Variants in MRTFB observed in about 807,000 individuals in gnomAD.
MRTFB encodes the protein myocardin-related transcription factor B.
A neutral mutation model predicts 104.2 loss-of-function variants in MRTFB; 29 were observed. The observed-to-expected ratio is 0.28, with a 90% CI of 0.21 to 0.38. The LOEUF (loss-of-function observed/expected upper bound fraction) is 0.38. Among genes scored for constraint, MRTFB ranks in the 10% least tolerant of loss-of-function variants. MRTFB has a pLI of 1.00. For synonymous variants in MRTFB, 535 were observed against 519.5 expected (o/e 1.03, Z -0.41); for missense variants, 1,270 against 1,341.6 (o/e 0.95, Z 0.83).
intron 5 of MRTFB, among the ~76,000 whole-genome samples, chr16:14,213,018 TTTC>T (rs1202576581): frequency 6.6e-6 from 1 of 152,210 alleles, no homozygotes; most frequent in Non-Finnish European, 1.5e-5. Context: ...ATTCCAAAAT[TTTC>T]TTAAGAATTT....
At chr16:14,234,075 T>C in intron 8 of MRTFB, 71 bp from the exon 9 acceptor site, 1 of 1,564,556 alleles carries the variant, frequency 6.4e-7, no homozygotes, top group Non-Finnish European at 8.7e-7. Flanking sequence ...GTCATTCCCT[T>C]GTAATTCTAA....
At chr16:14,156,363 T>G (rs1363162837) in intron 3 of MRTFB, among the ~76,000 whole-genome samples, 1 of 152,200 alleles carries the variant, frequency 6.6e-6, no homozygotes, top group Admixed American at 6.5e-5. Context: ...AATATCAGTT[T>G]ATTTTTGGAC....
At chr16:14,048,995 T>A in the MRTFB span, among the ~76,000 whole-genome samples, 1 of 152,198 alleles carries the variant, frequency 6.6e-6, no homozygotes, top group Non-Finnish European at 1.5e-5. Flanking sequence ...ACTATATCAG[T>A]GGCTCTTAGC....
At chr16:14,084,785 T>A (rs2034602579) in intron 2 of MRTFB, among the ~76,000 whole-genome samples, 1 of 152,216 alleles carries the variant, frequency 6.6e-6, no homozygotes, top group Non-Finnish European at 1.5e-5. Flanking sequence ...AATTTTATAT[T>A]TGCCTTAGAT....
chr16:14,212,283 A>G (rs367593665), intron 4 of MRTFB, 71 bp from the exon 5 acceptor site: 14 of 1,454,174 alleles, frequency 9.6e-6, no homozygotes, highest in East Asian at 6.8e-5. Context: ...GGTTATCACC[A>G]TGGTATACTA....
chr16:14,255,501 G>A (rs958611438), intron 15 of MRTFB, among the ~76,000 whole-genome samples: 9 of 152,146 alleles, frequency 5.9e-5, no homozygotes, highest in African/African-American at 2.2e-4. Context: ...GAAGTGGAAG[G>A]GATTGTCAAC....
chr16:14,050,160 G>GACAC, the MRTFB span, among the ~76,000 whole-genome samples: 2 of 148,802 alleles, frequency 1.3e-5, no homozygotes, highest in African/African-American at 5.2e-5. Flanking sequence ...AAGACAGACA[G>GACAC]ACAGACACAC....
intron 2 of MRTFB, among the ~76,000 whole-genome samples, chr16:14,122,985 T>TA: frequency 6.6e-6 from 1 of 152,220 alleles, no homozygotes; most frequent in Non-Finnish European, 1.5e-5. Flanking sequence ...TCACCATTCT[T>TA]ACTGGCGTGA....
chr16:14,115,299 T>C (rs60218708), intron 2 of MRTFB, among the ~76,000 whole-genome samples: 9 of 152,228 alleles, frequency 5.9e-5, no homozygotes, highest in African/African-American at 2.2e-4. Context: ...TGTATTTTTT[T>C]AGTTATTTCC....
chr16:14,186,686 G>A, intron 3 of MRTFB: 1 of 1,338,290 alleles, frequency 7.5e-7, no homozygotes, highest in South Asian at 1.7e-5. Context: ...CCCGATGTGG[G>A]AGAGAGTTAA....
intron 2 of MRTFB, among the ~76,000 whole-genome samples, chr16:14,114,354 G>A (rs1010931822): frequency 2.0e-5 from 3 of 152,142 alleles, no homozygotes; most frequent in African/African-American, 7.2e-5. Context: ...AGCATTTTAG[G>A]TATGTTTTAA....
Position 14,247,014 on chromosome 16 carries a change from A to G in MRTFB, c.1754A>G (p.Lys585Arg). 6.2e-7 allele frequency: 1 copy of G among 1,614,206 alleles called. No individual in the cohort carries two copies. The highest frequency in any genetic ancestry group is 1.1e-5 in the South Asian group (1 of 91,088). The change falls in exon 12 of 17, where the codon AAG becomes AGG. Residue 585 changes from lysine to arginine, a missense_variant. By Grantham distance (26) the Lys-to-Arg change is conservative (BLOSUM62 2). Transcript: ENST00000571589. ...QEKEKQIEEL[K>R]RKLEQEQKLV... Reference sequence around the variant, plus strand: ...AAAGAGAAGCAAATCGAAGAGCTGAAGAGGAAACTGGAACAAGAGCAGAAG... The same window carrying G: ...AAAGAGAAGCAAATCGAAGAGCTGAGGAGGAAACTGGAACAAGAGCAGAAG...
intron 2 of MRTFB, among the ~76,000 whole-genome samples, chr16:14,119,556 A>G (rs2036732814): frequency 6.6e-6 from 1 of 152,206 alleles, no homozygotes; most frequent in Non-Finnish European, 1.5e-5. Flanking sequence ...TTTAAATTTT[A>G]CTAGGAAATA....
At chr16:14,115,557 G>T (rs2036500365) in intron 2 of MRTFB, among the ~76,000 whole-genome samples, 1 of 152,146 alleles carries the variant, frequency 6.6e-6, no homozygotes, top group Non-Finnish European at 1.5e-5. Flanking sequence ...CTGCGGCCCA[G>T]CTACATTTTA....
At chr16:14,114,123 A>G (rs1596899614) in intron 2 of MRTFB, among the ~76,000 whole-genome samples, 1 of 152,214 alleles carries the variant, frequency 6.6e-6, no homozygotes, top group Admixed American at 6.5e-5. Context: ...TTATACTGAT[A>G]TATTTGTGGT....
At chr16:14,260,080 A>G (rs1225458573) in intron 16 of MRTFB, among the ~76,000 whole-genome samples, 1 of 152,238 alleles carries the variant, frequency 6.6e-6, no homozygotes, top group African/African-American at 2.4e-5. Context: ...GCCAGTATTT[A>G]TAGAAGATGG....
chr16:14,014,739 G>A, the MRTFB span, among the ~76,000 whole-genome samples: 2 of 151,906 alleles, frequency 1.3e-5, no homozygotes, highest in East Asian at 1.9e-4. Flanking sequence ...ATGGTGGTGG[G>A]TGCCTGTAAT....
At chr16:14,167,840 G>A (rs1274499216) in intron 3 of MRTFB, among the ~76,000 whole-genome samples, 3 of 151,866 alleles carry the variant, frequency 2.0e-5, no homozygotes, top group East Asian at 1.9e-4. Context: ...ACAAGCGCCC[G>A]CCGCGCCCGG....
At chr16:14,200,342 T>C in intron 3 of MRTFB, 1 of 1,607,780 alleles carries the variant, frequency 6.2e-7, no homozygotes, top group Non-Finnish European at 8.5e-7. Context: ...GAAGTAAGGC[T>C]GGCGTAGGGC....
Sources: allele counts gnomAD v4.1 joint callset (sites outside exome capture counted in the v4.1 genomes callset), GRCh38; gene constraint gnomAD v4.1.1; transcripts MANE v1.5; gene names NCBI Gene and HGNC (gene_info 2026-07-23, HGNC 2026-07-21).